ARHGAP10: variants seen among roughly 807,000 people sequenced by gnomAD.
The protein encoded by ARHGAP10 is rho GTPase-activating protein 10.
ARHGAP10 carries 87 observed loss-of-function variants against 108.6 expected under a neutral mutation model. The ratio of observed to expected loss-of-function variants is 0.80; its 90% CI spans 0.67 to 0.96. ARHGAP10 has a LOEUF of 0.96. ARHGAP10 is among the 40% of genes least tolerant of loss of function. The pLI is 0.00. For synonymous variants in ARHGAP10, 347 were observed against 341.1 expected, an observed-to-expected ratio of 1.02 and a Z score of -0.19; for missense variants, 939 against 954.5, an observed-to-expected ratio of 0.98 and a Z score of 0.21.
intron 9 of ARHGAP10, 107 bp from the exon 10 acceptor site, chr4:147,881,731 G>T: frequency 1.2e-6 from 1 of 838,842 alleles, no homozygotes. Flanking sequence ...GTAAAGAGAA[G>T]GACTTAAGAT....
In ARHGAP10 at chr4:147,896,849, C is replaced by T. The variant is rs76895095; in HGVS notation, c.1035-9789C>T. Among the ~76,000 whole-genome samples the T allele has an allele frequency of 8.9e-3, 1,360 of 152,040 alleles. 18 individuals are homozygous for T. The highest frequency in any genetic ancestry group is 0.029 in the African/African-American group (1,208 of 41,484). On this transcript the variant is annotated intron_variant, in intron 10 of 22. Coordinates refer to ENST00000336498, the MANE Select transcript of ARHGAP10 (RefSeq NM_024605.4). The stretch of plus-strand genomic sequence containing the variant: ...ATGTGATTAGGCTATAGATCGAAAA[C>T]GTGATATTTAGAAGTATTTTTTAAA...
At chr4:147,944,869 A>G (rs1479851360) in intron 14 of ARHGAP10, among the ~76,000 whole-genome samples, 1 of 152,124 alleles carries the variant, frequency 6.6e-6, no homozygotes, top group Non-Finnish European at 1.5e-5. Flanking sequence ...CCCTTTGGGT[A>G]GGTACCATCA....
At chr4:147,868,901 A>G (rs907200770) in intron 7 of ARHGAP10, among the ~76,000 whole-genome samples, 4 of 152,082 alleles carry the variant, frequency 2.6e-5, no homozygotes, top group Non-Finnish European at 4.4e-5. Context: ...CTAACAGGCC[A>G]TGGACCGGTA....
At chr4:148,016,393 C>G (rs942437126) in intron 18 of ARHGAP10, among the ~76,000 whole-genome samples, 4 of 152,010 alleles carry the variant, frequency 2.6e-5, no homozygotes, top group African/African-American at 9.7e-5. Context: ...GTCCTAATTA[C>G]TTAAGAGGCT....
intron 6 of ARHGAP10, 148 bp downstream of exon 6, chr4:147,865,104 C>A (rs1734500051): frequency 1.5e-6 from 1 of 668,030 alleles, no homozygotes; most frequent in Admixed American, 3.0e-5. Flanking sequence ...ACACAGATAG[C>A]CATGAAGTCA....
At chr4:148,028,779 C>A (rs1297511443) in intron 19 of ARHGAP10, among the ~76,000 whole-genome samples, 1 of 152,112 alleles carries the variant, frequency 6.6e-6, no homozygotes, top group African/African-American at 2.4e-5. Flanking sequence ...CTTGAATTAG[C>A]ACTAGAAAGC....
chr4:147,739,738 CTTTTT>C (rs772201824), intron 1 of ARHGAP10, among the ~76,000 whole-genome samples: 4 of 137,634 alleles, frequency 2.9e-5, no homozygotes, highest in Non-Finnish European at 3.2e-5. Flanking sequence ...ATATCTTGGG[CTTTTT>C]TTTTTTTTTT....
intron 15 of ARHGAP10, among the ~76,000 whole-genome samples, chr4:147,953,496 C>A (rs1444700977): frequency 6.6e-6 from 1 of 151,994 alleles, no homozygotes; most frequent in East Asian, 1.9e-4. Flanking sequence ...TGTGTCTTTT[C>A]AGACATTTGT....
chr4:148,012,263 C>G (rs1480520843), intron 18 of ARHGAP10, among the ~76,000 whole-genome samples: 1 of 152,190 alleles, frequency 6.6e-6, no homozygotes, highest in Admixed American at 6.5e-5. Flanking sequence ...AGAACTCTCC[C>G]CCTGTGCTTT....
At position 148,023,347 on chromosome 4, in the gene ARHGAP10, A is replaced by G; in HGVS notation, c.1801A>G (p.Lys601Glu). Residue 601 changes from lysine (K) to glutamate (E), a missense_variant, in exon 19 of 23, where the codon AAG becomes GAG. Transcript: ENST00000336498. Reference protein sequence around the residue: ...SPPNAPPRQSKRQGQRTKRPV... With the variant: ...SPPNAPPRQSERQGQRTKRPV... Reference sequence around the variant, plus strand: ...CCCAAATGCGCCACCAAGGCAGTCGAAGAGACAAGGCCAGAGAACCAAGAG... The same window carrying G: ...CCCAAATGCGCCACCAAGGCAGTCGGAGAGACAAGGCCAGAGAACCAAGAG... 1 of 1,614,246 alleles carries G rather than the reference A, an allele frequency of 6.2e-7. No homozygotes were observed. The highest frequency in any genetic ancestry group is 8.5e-7 in the Non-Finnish European group (1 of 1,180,030).
chr4:148,001,378 G>A (rs1436707593), intron 18 of ARHGAP10, among the ~76,000 whole-genome samples: 2 of 152,150 alleles, frequency 1.3e-5, no homozygotes, highest in Non-Finnish European at 2.9e-5. Context: ...TTTGGCTTAG[G>A]ATTGTCTTGG....
At chr4:147,924,232 C>T (rs982827419) in intron 13 of ARHGAP10, among the ~76,000 whole-genome samples, 10 of 152,178 alleles carry the variant, frequency 6.6e-5, no homozygotes, top group African/African-American at 2.4e-4. Flanking sequence ...AGGGGCACAT[C>T]CTTCCTCTGA....
chr4:148,051,891 C>T (rs1295156825), intron 20 of ARHGAP10, among the ~76,000 whole-genome samples: 2 of 152,188 alleles, frequency 1.3e-5, no homozygotes, highest in South Asian at 4.1e-4. Context: ...CTCGTCAATG[C>T]AATCACTTGT....
chr4:147,898,900 A>T (rs1473146072), intron 10 of ARHGAP10, among the ~76,000 whole-genome samples: 1 of 152,212 alleles, frequency 6.6e-6, no homozygotes, highest in Non-Finnish European at 1.5e-5. Context: ...CTCAATCACT[A>T]TCAGGAGAGC....
intron 1 of ARHGAP10, among the ~76,000 whole-genome samples, chr4:147,819,643 G>C (rs1732399737): frequency 1.3e-5 from 2 of 151,996 alleles, no homozygotes; most frequent in Non-Finnish European, 2.9e-5. Context: ...CGCCTCCCGG[G>C]TTCCTCCCGG....
chr4:147,739,080 G>A (rs1728546385), intron 1 of ARHGAP10, among the ~76,000 whole-genome samples: 2 of 151,656 alleles, frequency 1.3e-5, no homozygotes, highest in African/African-American at 2.4e-5. Context: ...CTAGCTTCTC[G>A]GGAGGCCGAG....
chr4:147,753,184 T>G (rs1729231801), intron 1 of ARHGAP10, among the ~76,000 whole-genome samples: 1 of 152,200 alleles, frequency 6.6e-6, no homozygotes, highest in Non-Finnish European at 1.5e-5. Flanking sequence ...AAAACTCGTC[T>G]CCTGACTGCT....
intron 18 of ARHGAP10, among the ~76,000 whole-genome samples, chr4:147,985,308 C>A (rs548325660): frequency 6.6e-6 from 1 of 152,222 alleles, no homozygotes; most frequent in Admixed American, 6.5e-5. Flanking sequence ...GGCTACTGAT[C>A]CAGGTGAGCA....
At chr4:147,840,537 A>G (rs1231570812) in intron 3 of ARHGAP10, among the ~76,000 whole-genome samples, 3 of 152,106 alleles carry the variant, frequency 2.0e-5, no homozygotes, top group Non-Finnish European at 4.4e-5. Context: ...CTAACGGGGG[A>G]TGCAGTCGAG....
Sources: allele counts gnomAD v4.1 joint callset (sites outside exome capture counted in the v4.1 genomes callset), GRCh38; gene constraint gnomAD v4.1.1; transcripts MANE v1.5; gene names NCBI Gene and HGNC (gene_info 2026-07-23, HGNC 2026-07-21).